The following ELOVL5 variants were observed in gnomAD, a reference collection of about 807,000 sequenced individuals.
ELOVL5 encodes ELOVL fatty acid elongase 5, also known as very long chain fatty acid elongase 5.
Under a neutral mutation model 38.6 loss-of-function variants are expected in ELOVL5, and 8 were observed. The observed-to-expected ratio is 0.21, with a 90% CI of 0.12 to 0.37. ELOVL5 has a LOEUF of 0.37. ELOVL5 is among the 10% of genes least tolerant of loss of function. The probability of loss-of-function intolerance (pLI) is 1.00; values close to 1 mark genes in which losing one functional copy is unlikely to be tolerated. For synonymous variants in ELOVL5, 127 were observed against 133.7 expected (o/e 0.95, Z 0.34); for missense variants, 280 against 367.8 (o/e 0.76, Z 1.95).
intron 1 of ELOVL5, among the ~76,000 whole-genome samples, chr6:53,342,973 T>C (rs956850591): frequency 1.3e-5 from 2 of 152,172 alleles, no homozygotes; most frequent in Admixed American, 6.5e-5. Context: ...ACTAAAAATG[T>C]TACCATGGAG....
intron 1 of ELOVL5, among the ~76,000 whole-genome samples, chr6:53,326,187 A>G (rs1045898093): frequency 2.0e-4 from 30 of 152,110 alleles, no homozygotes; most frequent in African/African-American, 5.3e-4. Context: ...TCTTATAAAT[A>G]TCCACCTCTT....
In ELOVL5 at chr6:53,269,240, T is replaced by C. The variant is rs1260386549; in HGVS notation, c.787A>G (p.Lys263Glu). 1.2e-6 allele frequency: 2 copies of C among 1,612,590 alleles called. No individual in the cohort carries two copies. Among genetic ancestry groups the C allele is most frequent in the Admixed American group, 1.7e-5 (1 of 59,836 alleles). Reference sequence around the variant, plus strand: ...TTCTGGTGGTCCTTCAGGTGGTCTTTCCTTCGGGAGGCCCCTTTCTTGTTG... The same window carrying C: ...TTCTGGTGGTCCTTCAGGTGGTCTTCCCTTCGGGAGGCCCCTTTCTTGTTG... ...TYNKKGASRR[K>E]DHLKDHQNGS... Residue 263 changes from lysine to glutamate, a missense_variant, in exon 8 of 8, where the codon AAA becomes GAA. Around this residue, in one of 3 missense-constraint regions of ELOVL5, gnomAD observed 125 missense variants for 158.9 expected, o/e 0.79. Transcript: ENST00000304434.
At position 53,275,188 on chromosome 6, in the gene ELOVL5, C is replaced by T; in HGVS notation, c.398G>A (p.Arg133His). The change falls in exon 5 of 8, where the codon CGC (arginine) becomes CAC (histidine). Residue 133 changes from arginine (R) to histidine (H), a missense_variant. Around this residue, in one of 3 missense-constraint regions of ELOVL5, gnomAD observed 150 missense variants for 178.0 expected, o/e 0.84. Coordinates refer to ENST00000304434, the MANE Select transcript of ELOVL5 (RefSeq NM_021814.5). ...EFMDTFFFILRKNNHQITVLH... is the reference protein window; with the variant it reads ...EFMDTFFFILHKNNHQITVLH... ...GACCGTGATCTGGTGGTTGTTCTTG[C>T]GCAGGATGAAGAAGAAAGTGTCCAT... 6.2e-6 allele frequency: 10 copies of T among 1,614,048 alleles called. No individual in the cohort carries two copies. The highest frequency in any genetic ancestry group is 1.1e-5 in the South Asian group (1 of 91,084).
In ELOVL5 at chr6:53,329,772, C is replaced by CA. The variant is rs1479295897; in HGVS notation, c.-9+19044dup. ...TCAGAAGGCAGAGGTTGCAGTGAGT[C>CA]AAAATCATGCCATCGCACTCAGCCT... On this transcript the variant is annotated intron_variant, in intron 1 of 7. Coordinates refer to ENST00000304434, the MANE Select transcript of ELOVL5 (RefSeq NM_021814.5). Among the ~76,000 whole-genome samples, 3 of 152,080 alleles carry CA rather than the reference C, an allele frequency of 2.0e-5. No homozygotes were observed. In the East Asian group the frequency reaches 5.8e-4, roughly 29 times the overall value.
Position 53,275,082 on chromosome 6 carries a change from A to G in ELOVL5, c.496+8T>C, listed in dbSNP as rs760519826. Reference sequence around the variant, plus strand: ...CCTGTTCCCCAAGTCCCCGTCTCTAATACTTACAGTGGCCGCAGGGGACCC... The same window carrying G: ...CCTGTTCCCCAAGTCCCCGTCTCTAGTACTTACAGTGGCCGCAGGGGACCC... On this transcript the variant is annotated splice_region_variant and intron_variant, in intron 5 of 7. Coordinates refer to ENST00000304434, the MANE Select transcript of ELOVL5 (RefSeq NM_021814.5). 5.5e-5 allele frequency: 89 copies of G among 1,613,468 alleles called. No homozygotes were observed. The highest frequency in any genetic ancestry group is 1.7e-4 in the Middle Eastern group (1 of 5,856).
intron 2 of ELOVL5, chr6:53,294,294 C>A: frequency 6.4e-7 from 1 of 1,566,938 alleles, no homozygotes; most frequent in Non-Finnish European, 8.6e-7. Context: ...CAGGCAGGGG[C>A]ATGTGAAGCA....
At chr6:53,293,203 C>T (rs1177302977) in intron 2 of ELOVL5, among the ~76,000 whole-genome samples, 4 of 152,164 alleles carry the variant, frequency 2.6e-5, no homozygotes, top group Admixed American at 6.5e-5. Context: ...CTTAACTACC[C>T]GCCAAGGCTC....
At chr6:53,299,973 A>T (rs1767182025) in intron 1 of ELOVL5, among the ~76,000 whole-genome samples, 1 of 152,170 alleles carries the variant, frequency 6.6e-6, no homozygotes. Context: ...AATAATTTTC[A>T]AATTATTGTT....
chr6:53,289,070 C>T (rs1286308881), intron 3 of ELOVL5, among the ~76,000 whole-genome samples: 1 of 151,854 alleles, frequency 6.6e-6, no homozygotes, highest in Admixed American at 6.6e-5. Flanking sequence ...ACAAAAAAAC[C>T]CCGCTTCTTC....
At chr6:53,328,451 T>C (rs1768645494) in intron 1 of ELOVL5, among the ~76,000 whole-genome samples, 1 of 152,180 alleles carries the variant, frequency 6.6e-6, no homozygotes, top group African/African-American at 2.4e-5. Context: ...AATGCTCTAT[T>C]TACAGTCCCC....
chr6:53,332,862 C>T (rs757222806), intron 1 of ELOVL5, among the ~76,000 whole-genome samples: 1 of 152,176 alleles, frequency 6.6e-6, no homozygotes, highest in Non-Finnish European at 1.5e-5. Context: ...AAGCCACCCT[C>T]CCCAAAAGGG....
intron 1 of ELOVL5, among the ~76,000 whole-genome samples, chr6:53,316,665 G>A (rs564837907): frequency 2.2e-4 from 34 of 151,840 alleles, no homozygotes; most frequent in African/African-American, 7.7e-4. Context: ...AGGGAATGCA[G>A]GGGTCACATG....
intron 1 of ELOVL5, among the ~76,000 whole-genome samples, chr6:53,296,227 C>G (rs946158247): frequency 1.3e-5 from 2 of 151,644 alleles, no homozygotes; most frequent in African/African-American, 2.4e-5. Context: ...AAAAAAGGGG[C>G]AAAAATCTCA....
intron 3 of ELOVL5, among the ~76,000 whole-genome samples, chr6:53,280,537 GA>G (rs1402806356): frequency 2.6e-5 from 4 of 152,070 alleles, no homozygotes; most frequent in Admixed American, 1.3e-4. Context: ...CCTTTTCAAT[GA>G]AAGAAAAAAA....
At position 53,291,559 on chromosome 6, in the gene ELOVL5, G is replaced by T. The variant is rs529754488; in HGVS notation, c.246+217C>A. On this transcript the variant is annotated intron_variant, in intron 3 of 7. Transcript: ENST00000304434. ...CATAATAGAAGAATCAATAACAAAG[G>T]CTTCTATTTTAGATATTCTAGAAGG... Among the ~76,000 whole-genome samples, 3 of 152,138 alleles carry T rather than the reference G, an allele frequency of 2.0e-5. No individual in the cohort carries two copies. The South Asian group carries it at 6.2e-4, about 32-fold the overall frequency.
intron 2 of ELOVL5, chr6:53,294,407 T>C: frequency 6.4e-7 from 1 of 1,551,734 alleles, no homozygotes; most frequent in Non-Finnish European, 8.7e-7. Context: ...TTCTTCTTCC[T>C]CTGAATGTGC....
intron 3 of ELOVL5, among the ~76,000 whole-genome samples, chr6:53,278,442 T>A (rs774926897): frequency 2.6e-5 from 4 of 152,184 alleles, no homozygotes; most frequent in Non-Finnish European, 4.4e-5. Context: ...AAGGGACTCT[T>A]GGACACAGGC....
intron 1 of ELOVL5, among the ~76,000 whole-genome samples, chr6:53,311,246 G>A (rs1767816809): frequency 6.6e-6 from 1 of 152,194 alleles, no homozygotes; most frequent in Non-Finnish European, 1.5e-5. Context: ...AAGCAAGGCA[G>A]TGTTGCCAAA....
chr6:53,317,690 T>C (rs1430486702), intron 1 of ELOVL5, among the ~76,000 whole-genome samples: 1 of 151,896 alleles, frequency 6.6e-6, no homozygotes, highest in Non-Finnish European at 1.5e-5. Context: ...ATATGCCTGA[T>C]GCTAGATGAT....
Sources: allele counts gnomAD v4.1 joint callset (sites outside exome capture counted in the v4.1 genomes callset), GRCh38; gene constraint gnomAD v4.1.1; regional missense constraint gnomAD v4.1.1; transcripts MANE v1.5; gene names NCBI Gene and HGNC (gene_info 2026-07-23, HGNC 2026-07-21).